GPR89A: variants seen among roughly 807,000 people sequenced by gnomAD.
The protein encoded by GPR89A is G protein-coupled receptor 89A.
A neutral mutation model predicts 52.0 loss-of-function variants in GPR89A; 16 were observed. That is an observed-to-expected ratio of 0.31 (90% CI 0.21 to 0.47). The LOEUF (loss-of-function observed/expected upper bound fraction) is 0.47, where lower values mean the gene tolerates loss of function less well. Ranked by LOEUF, GPR89A falls within the 20% of genes least tolerant of loss-of-function variation. The pLI is 1.00. For missense variants in GPR89A, 135 were observed against 449.4 expected, an observed-to-expected ratio of 0.30 and a Z score of 6.33; for synonymous variants, 55 against 150.9, an observed-to-expected ratio of 0.36 and a Z score of 4.66.
At chr1:145,608,246 G>A (rs1431417300) in intron 1 of GPR89A, 71 bp downstream of exon 1, 64 of 1,596,696 alleles carry the variant, frequency 4.0e-5, no homozygotes, top group Middle Eastern at 3.3e-4. Context: ...GGTCCTCCGC[G>A]GTGCGGGCTG....
chr1:145,647,877 CTCTATATATA>C (rs1386521594), intron 10 of GPR89A, among the ~76,000 whole-genome samples: 1,426 of 40,632 alleles, frequency 0.035, 39 homozygotes, highest in Non-Finnish European at 0.043. Flanking sequence ...CTCTCTCTCT[CTCTATATATA>C]TATATATATA....
At chr1:145,642,549 T>C (rs1650722808) in intron 7 of GPR89A, among the ~76,000 whole-genome samples, 1 of 152,218 alleles carries the variant, frequency 6.6e-6, no homozygotes, top group Non-Finnish European at 1.5e-5. Context: ...GCTGACATTC[T>C]TTCTTGTTAA....
intron 1 of GPR89A, among the ~76,000 whole-genome samples, chr1:145,611,942 C>A (rs587716976): frequency 1.3e-5 from 2 of 151,916 alleles, no homozygotes; most frequent in Admixed American, 6.6e-5. Flanking sequence ...CCCTCTTGTT[C>A]GTTTACCTTC....
At chr1:145,642,820 A>T (rs1650742140) in intron 7 of GPR89A, among the ~76,000 whole-genome samples, 1 of 151,134 alleles carries the variant, frequency 6.6e-6, no homozygotes. Flanking sequence ...TAAATCAATT[A>T]TGTACAAATG....
At position 145,608,322 on chromosome 1, in the gene GPR89A, C is replaced by G. The variant is rs782228799; in HGVS notation, c.42+147C>G. 4 of 1,229,406 alleles carry G rather than the reference C, an allele frequency of 3.3e-6. No individual in the cohort carries two copies. The East Asian group carries it at 1.0e-4, about 31-fold the overall frequency. 76.2% of individuals were successfully genotyped at this position (1,229,406 alleles called of 1,614,324 possible). A position where few individuals can be genotyped will look rare whatever the true frequency, so the allele number is the denominator to read the frequency against. On this transcript the variant is annotated intron_variant, in intron 1 of 13. Coordinates refer to ENST00000313835, the MANE Select transcript of GPR89A (RefSeq NM_001097612.2). ...CACTCTGGCACCCAGAGAGGGTGTGCGATTTGCTGCGGCCGGTTCCCTCAG... is the reference window on the plus strand; with the variant it reads ...CACTCTGGCACCCAGAGAGGGTGTGGGATTTGCTGCGGCCGGTTCCCTCAG...
intron 3 of GPR89A, among the ~76,000 whole-genome samples, chr1:145,620,944 C>A (rs587708103): frequency 3.9e-5 from 6 of 152,344 alleles, no homozygotes. Context: ...TTCCCAAAAT[C>A]TTTCAGAAGC....
intron 1 of GPR89A, among the ~76,000 whole-genome samples, chr1:145,612,474 A>T (rs587711572): frequency 0.035 from 5,266 of 152,150 alleles, 279 homozygotes; most frequent in African/African-American, 0.12. Flanking sequence ...ATAATATTTA[A>T]AAAAAAGCAC....
intron 10 of GPR89A, among the ~76,000 whole-genome samples, chr1:145,660,219 T>C (rs1289927611): frequency 3.3e-5 from 5 of 152,118 alleles, no homozygotes; most frequent in African/African-American, 9.7e-5. Context: ...CCTTATTTAA[T>C]AAATGGTGCT....
At chr1:145,666,956 A>T (rs1389606161) in intron 12 of GPR89A, among the ~76,000 whole-genome samples, 2 of 152,010 alleles carry the variant, frequency 1.3e-5, no homozygotes, top group South Asian at 4.2e-4. Flanking sequence ...TCTATCATTG[A>T]TGGACATTTG....
intron 10 of GPR89A, among the ~76,000 whole-genome samples, chr1:145,647,871 CTCTCTCTCTA>C (rs1651147652): frequency 7.9e-5 from 7 of 88,434 alleles, no homozygotes; most frequent in African/African-American, 3.3e-4. Flanking sequence ...CTCTCTCTCT[CTCTCTCTCTA>C]TATATATATA....
At chr1:145,647,816 CG>C (rs1651119344) in intron 10 of GPR89A, among the ~76,000 whole-genome samples, 1 of 32,876 alleles carries the variant, frequency 3.0e-5, no homozygotes, top group Non-Finnish European at 5.0e-5. Flanking sequence ...TCTCTCTCTT[CG>C]TCGTCGTCGA....
chr1:145,645,740 G>T (rs2784368), intron 8 of GPR89A: 6,644 of 453,882 alleles, frequency 0.015, 359 homozygotes, highest in African/African-American at 0.12. Context: ...TGAAAAGAAA[G>T]AAGGTAATGT....
chr1:145,640,027 G>C (rs587701437), intron 7 of GPR89A, among the ~76,000 whole-genome samples: 5 of 151,978 alleles, frequency 3.3e-5, no homozygotes, highest in Non-Finnish European at 7.4e-5. Flanking sequence ...AGACTAGACC[G>C]GCGAACATGG....
intron 10 of GPR89A, among the ~76,000 whole-genome samples, chr1:145,647,875 CTCTCTATA>C (rs1559042097): frequency 0.014 from 904 of 64,376 alleles, 9 homozygotes; most frequent in Non-Finnish European, 0.017. Context: ...CTCTCTCTCT[CTCTCTATA>C]TATATATATA....
intron 10 of GPR89A, among the ~76,000 whole-genome samples, chr1:145,659,348 C>CT (rs1652030339): frequency 6.6e-6 from 1 of 151,464 alleles, no homozygotes; most frequent in Non-Finnish European, 1.5e-5. Context: ...CCACTCCCGG[C>CT]TAACTTTTTT....
intron 10 of GPR89A, among the ~76,000 whole-genome samples, chr1:145,654,525 C>T (rs1195331761): frequency 1.7e-5 from 2 of 117,440 alleles, no homozygotes; most frequent in African/African-American, 6.7e-5. Context: ...TGCACTCCAG[C>T]CTGGGTGACA....
At chr1:145,660,552 C>G (rs1202983445) in intron 10 of GPR89A, among the ~76,000 whole-genome samples, 1 of 152,060 alleles carries the variant, frequency 6.6e-6, no homozygotes, top group East Asian at 1.9e-4. Context: ...TTGCAACCTA[C>G]TCATCTGACA....
At chr1:145,648,798 CTTTTT>C (rs1651235586) in intron 10 of GPR89A, among the ~76,000 whole-genome samples, 1 of 10,328 alleles carries the variant, frequency 9.7e-5, no homozygotes, top group African/African-American at 4.6e-4. Flanking sequence ...GAAGCATGTT[CTTTTT>C]TTTTTTTTTT....
rs587645213 is a variant in GPR89A at position 145,634,706 on chromosome 1, G to T, written c.617+2962G>T. Among the ~76,000 whole-genome samples, 450 of 150,316 alleles carry T rather than the reference G, an allele frequency of 3.0e-3. 2 individuals are homozygous for T. Among genetic ancestry groups the T allele is most frequent in the Non-Finnish European group, 4.1e-3 (279 of 67,620 alleles). On this transcript the variant is annotated intron_variant, in intron 7 of 13. Coordinates refer to ENST00000313835, the MANE Select transcript of GPR89A (RefSeq NM_001097612.2). ...TTTGTAAAATAGAGGTAATAATAAT[G>T]AGTTAAGACTTAGAAAAACAAGTTA...
Sources: gnomAD v4.1 joint callset for allele counts (sites outside exome capture counted in the v4.1 genomes callset) on GRCh38, gnomAD v4.1.1 for gene constraint, MANE v1.5 for transcripts, NCBI Gene and HGNC (gene_info 2026-07-23, HGNC 2026-07-21) for gene names.